The following ARHGAP24 variants were observed in gnomAD, a reference collection of about 807,000 sequenced individuals.
ARHGAP24 encodes the protein rho GTPase-activating protein 24.
Under a neutral mutation model 76.4 loss-of-function variants are expected in ARHGAP24, and 50 were observed. The observed-to-expected ratio is 0.65, with a 90% CI of 0.52 to 0.83. ARHGAP24 has a LOEUF of 0.83. ARHGAP24 is among the 40% of genes least tolerant of loss of function. The pLI is 0.00. For missense variants in ARHGAP24, 930 were observed against 914.2 expected (o/e 1.02, Z -0.22); for synonymous variants, 345 against 323.3 (o/e 1.07, Z -0.72).
At chr4:85,529,406 G>C (rs1344336878) in intron 1 of ARHGAP24, among the ~76,000 whole-genome samples, 1 of 152,014 alleles carries the variant, frequency 6.6e-6, no homozygotes, top group Non-Finnish European at 1.5e-5. Flanking sequence ...GATTATTGCT[G>C]ATTAAGAATA....
intron 1 of ARHGAP24, among the ~76,000 whole-genome samples, chr4:85,564,394 GGGGT>G (rs1726726728): frequency 6.8e-6 from 1 of 146,876 alleles, no homozygotes; most frequent in African/African-American, 2.7e-5. Flanking sequence ...GGCCTGTTGT[GGGGT>G]GGGGGGAGCG....
chr4:85,540,399 A>G (rs983670935), intron 1 of ARHGAP24, among the ~76,000 whole-genome samples: 1 of 152,198 alleles, frequency 6.6e-6, no homozygotes, highest in African/African-American at 2.4e-5. Flanking sequence ...TCAGTTGGCT[A>G]ATTTCTTCTC....
chr4:85,544,595 A>T lies in ARHGAP24; in HGVS notation c.-20-25927A>T, dbSNP rs1223827543. Among the ~76,000 whole-genome samples the T allele has an allele frequency of 2.0e-5, 3 of 152,266 alleles. No individual in the cohort carries two copies. The East Asian group carries it at 5.8e-4, about 29-fold the overall frequency. ...CTTTAGCCTCTTGGATCCTATATAT[A>T]GCAGGGCCATCAGCTCTAATTTTAA... On this transcript the variant is annotated intron_variant, in intron 1 of 9. Coordinates refer to ENST00000395184, the MANE Select transcript of ARHGAP24 (RefSeq NM_001025616.3).
chr4:85,926,060 A>G (rs1736010984), intron 4 of ARHGAP24, among the ~76,000 whole-genome samples: 1 of 150,888 alleles, frequency 6.6e-6, no homozygotes, highest in Middle Eastern at 3.2e-3. Context: ...AAAAAAAAGA[A>G]TGCCATCCAG....
At chr4:85,869,276 A>G (rs1560684314) in intron 3 of ARHGAP24, among the ~76,000 whole-genome samples, 1 of 152,164 alleles carries the variant, frequency 6.6e-6, no homozygotes, top group Non-Finnish European at 1.5e-5. Flanking sequence ...TGAACAACAA[A>G]GGGCTGCTGC....
At position 85,712,061 on chromosome 4, in the gene ARHGAP24, CAT is replaced by C. The variant is rs1724550112; in HGVS notation, c.181-9823_181-9822del. ...TTATTGCCATAGACTTTGCTTCAGACATGTGTCATTTACCAACCCCTGAACAG... is the reference window on the plus strand; with the variant it reads ...TTATTGCCATAGACTTTGCTTCAGACGTGTCATTTACCAACCCCTGAACAG... On this transcript the variant is annotated intron_variant, in intron 2 of 9. Coordinates refer to ENST00000395184, the MANE Select transcript of ARHGAP24 (RefSeq NM_001025616.3). Among the ~76,000 whole-genome samples, 3 of 152,146 alleles carry C rather than the reference CAT, an allele frequency of 2.0e-5. No homozygotes were observed. In the South Asian group the frequency reaches 6.2e-4, roughly 32 times the overall value.
chr4:85,977,466 A>ATC, intron 7 of ARHGAP24, 104 bp from the exon 8 acceptor site: 1 of 1,311,588 alleles, frequency 7.6e-7, no homozygotes. Context: ...CTCCATAGTC[A>ATC]TCTTTGAACA....
intron 2 of ARHGAP24, among the ~76,000 whole-genome samples, chr4:85,621,790 T>G (rs974388170): frequency 6.6e-6 from 1 of 152,188 alleles, no homozygotes; most frequent in East Asian, 1.9e-4. Flanking sequence ...TTGTCAACTT[T>G]CATTTTTGTT....
At chr4:85,482,096 A>G (rs74414773) in intron 1 of ARHGAP24, among the ~76,000 whole-genome samples, 3,788 of 152,304 alleles carry the variant, frequency 0.025, 173 homozygotes, top group African/African-American at 0.086. Flanking sequence ...AGAAGCTTCC[A>G]GCAAGAAAAT....
At chr4:85,840,897 G>A (rs1170095420) in intron 3 of ARHGAP24, among the ~76,000 whole-genome samples, 3 of 152,166 alleles carry the variant, frequency 2.0e-5, no homozygotes, top group African/African-American at 7.2e-5. Flanking sequence ...ACGTGAAACT[G>A]CTGATCATTT....
In ARHGAP24 at chr4:85,602,158, AAACCATAG is replaced by A. The variant is rs1720050847; in HGVS notation, c.180+31438_180+31445del. Reference sequence around the variant, plus strand: ...TTTATCTTTTTTAATTGATCAAAGGAAACCATAGTACATAGATAAAACTCTGCATGGAA... The same window carrying A: ...TTTATCTTTTTTAATTGATCAAAGGATACATAGATAAAACTCTGCATGGAA... On this transcript the variant is annotated intron_variant, in intron 2 of 9. Transcript: ENST00000395184. Among the ~76,000 whole-genome samples, 3 of 152,232 alleles carry A rather than the reference AAACCATAG, an allele frequency of 2.0e-5. No homozygotes were observed. In the South Asian group the frequency reaches 6.2e-4, roughly 31 times the overall value.
At chr4:85,556,819 C>G (rs1726394114) in intron 1 of ARHGAP24, among the ~76,000 whole-genome samples, 1 of 152,156 alleles carries the variant, frequency 6.6e-6, no homozygotes, top group African/African-American at 2.4e-5. Flanking sequence ...TGCAGGACAG[C>G]AAAAATGGTG....
intron 2 of ARHGAP24, among the ~76,000 whole-genome samples, chr4:85,622,129 G>A (rs1016126993): frequency 6.6e-5 from 10 of 151,122 alleles, no homozygotes; most frequent in Non-Finnish European, 1.3e-4. Context: ...TAAGTTTTAG[G>A]GTGCATGTGC....
intron 2 of ARHGAP24, among the ~76,000 whole-genome samples, chr4:85,697,934 T>A (rs1382583603): frequency 1.4e-4 from 21 of 152,198 alleles, no homozygotes; most frequent in Admixed American, 1.4e-3. Flanking sequence ...ATAGAAATAC[T>A]GAGTCCATTT....
At chr4:85,792,906 A>T (rs1728190905) in intron 3 of ARHGAP24, among the ~76,000 whole-genome samples, 2 of 152,308 alleles carry the variant, frequency 1.3e-5, no homozygotes, top group South Asian at 4.1e-4. Flanking sequence ...ATTAGGCTCA[A>T]AAATGTCACT....
chr4:85,864,061 G>C (rs1200410348), intron 3 of ARHGAP24, among the ~76,000 whole-genome samples: 1 of 152,090 alleles, frequency 6.6e-6, no homozygotes, highest in Non-Finnish European at 1.5e-5. Flanking sequence ...GGACTTTCCA[G>C]TTGATTGGAG....
At chr4:85,921,066 A>G (rs961688988) in intron 3 of ARHGAP24, among the ~76,000 whole-genome samples, 8 of 152,230 alleles carry the variant, frequency 5.3e-5, no homozygotes, top group African/African-American at 1.9e-4. Flanking sequence ...TATTATAAAG[A>G]TACATGCACA....
intron 3 of ARHGAP24, among the ~76,000 whole-genome samples, chr4:85,843,011 T>C (rs1436462847): frequency 6.6e-6 from 1 of 152,232 alleles, no homozygotes; most frequent in Non-Finnish European, 1.5e-5. Context: ...TTTACTCCTA[T>C]TGATAATGCT....
chr4:85,929,154 C>T lies in ARHGAP24; in HGVS notation c.391+5384C>T, dbSNP rs144160435. On this transcript the variant is annotated intron_variant, in intron 4 of 9. Coordinates refer to ENST00000395184, the MANE Select transcript of ARHGAP24 (RefSeq NM_001025616.3). ...GTGGATTTTTCTATTGGCTGAAGTG[C>T]TTGAAGGGCAGCACTGTCTCTGTCT... Among the ~76,000 whole-genome samples, 85 of 152,272 alleles carry T rather than the reference C, an allele frequency of 5.6e-4. 1 individual carries two copies. The highest frequency in any genetic ancestry group is 2.0e-3 in the African/African-American group (82 of 41,552).
Sources: gnomAD v4.1 joint callset for allele counts (sites outside exome capture counted in the v4.1 genomes callset) on GRCh38, gnomAD v4.1.1 for gene constraint, MANE v1.5 for transcripts, NCBI Gene and HGNC (gene_info 2026-07-23, HGNC 2026-07-21) for gene names.